Variants in PRKG1 observed in about 807,000 individuals in gnomAD.
PRKG1 encodes the protein protein kinase cGMP-dependent 1.
Under a neutral mutation model 88.1 loss-of-function variants are expected in PRKG1, and 35 were observed. The observed-to-expected ratio is 0.40, with a 90% confidence interval of 0.30 to 0.53. PRKG1 has a LOEUF of 0.53. Among genes scored for constraint, PRKG1 ranks in the 20% least tolerant of loss-of-function variants. The pLI, the probability that PRKG1 is intolerant of heterozygous loss-of-function variation, is 0.59. For missense variants in PRKG1, 540 were observed against 839.8 expected (o/e 0.64, Z 4.41); for synonymous variants, 303 against 292.5 (o/e 1.04, Z -0.37).
chr10:51,738,681 A>G (rs1837354710), intron 3 of PRKG1, among the ~76,000 whole-genome samples: 1 of 149,936 alleles, frequency 6.7e-6, no homozygotes, highest in Non-Finnish European at 1.5e-5. Context: ...GATCTTCACC[A>G]CAATCTGTGT....
At chr10:51,773,456 G>A (rs1226774322) in intron 3 of PRKG1, among the ~76,000 whole-genome samples, 2 of 152,010 alleles carry the variant, frequency 1.3e-5, no homozygotes, top group Non-Finnish European at 2.9e-5. Flanking sequence ...GAGGAAGTTT[G>A]TGACTGTAAT....
At position 51,411,460 on chromosome 10, in the gene PRKG1, C is replaced by T. The variant is rs150157936; in HGVS notation, c.479-56263C>T. On this transcript the variant is annotated intron_variant, in intron 2 of 17. Coordinates refer to ENST00000373980, the MANE Select transcript of PRKG1 (RefSeq NM_006258.4). ...ACATAATGTTAAATTCACGTTTCTA[C>T]CCACTGCTTTTGGTATGTGTCAATT... Among the ~76,000 whole-genome samples, 24 of 152,296 alleles carry T rather than the reference C, an allele frequency of 1.6e-4. No homozygotes were observed. The South Asian group carries it at 3.9e-3, about 25-fold the overall frequency.
At chr10:51,480,118 A>G (rs1840312590) in intron 3 of PRKG1, among the ~76,000 whole-genome samples, 1 of 152,174 alleles carries the variant, frequency 6.6e-6, no homozygotes, top group Non-Finnish European at 1.5e-5. Context: ...ATCTTAAGGC[A>G]TATAAATTCA....
At chr10:52,015,018 T>G (rs73341214) in intron 5 of PRKG1, among the ~76,000 whole-genome samples, 24,192 of 152,200 alleles carry the variant, frequency 0.16, 2,473 homozygotes, top group East Asian at 0.32. Context: ...AAGTGCATAG[T>G]GCAAGCTGTT....
chr10:51,233,689 G>A (rs564539844), intron 2 of PRKG1, among the ~76,000 whole-genome samples: 1 of 152,324 alleles, frequency 6.6e-6, no homozygotes, highest in South Asian at 2.1e-4. Context: ...ATAAATGCAT[G>A]TGAGAGAGAT....
intron 9 of PRKG1, among the ~76,000 whole-genome samples, chr10:52,208,309 TG>T (rs545450403): frequency 2.8e-3 from 425 of 152,350 alleles, no homozygotes; most frequent in African/African-American, 1.0e-2. Context: ...AATCTTCTGT[TG>T]GTAGCTTAAC....
chr10:51,425,573 G>A (rs1239964745), intron 2 of PRKG1, among the ~76,000 whole-genome samples: 3 of 152,200 alleles, frequency 2.0e-5, no homozygotes, highest in South Asian at 2.1e-4. Flanking sequence ...CACCCCTTTC[G>A]GAAGCCACAG....
intron 3 of PRKG1, among the ~76,000 whole-genome samples, chr10:51,593,138 A>G (rs1182642122): frequency 6.6e-6 from 1 of 152,198 alleles, no homozygotes; most frequent in East Asian, 1.9e-4. Flanking sequence ...CCATAGTTCC[A>G]TTTGGAGGTC....
chr10:51,348,600 A>G (rs550332365), intron 2 of PRKG1, among the ~76,000 whole-genome samples: 68 of 152,326 alleles, frequency 4.5e-4, no homozygotes, highest in Middle Eastern at 3.4e-3. Context: ...ACTATTTTTT[A>G]CCAGATTGTC....
chr10:51,504,915 A>G (rs1238703892), intron 3 of PRKG1, among the ~76,000 whole-genome samples: 1 of 152,180 alleles, frequency 6.6e-6, no homozygotes, highest in Non-Finnish European at 1.5e-5. Flanking sequence ...TGTCATCTGC[A>G]AACAGGGACA....
chr10:51,609,224 T>TA (rs1273786518), intron 3 of PRKG1, among the ~76,000 whole-genome samples: 1 of 152,042 alleles, frequency 6.6e-6, no homozygotes, highest in African/African-American at 2.4e-5. Flanking sequence ...GGACAGTGTT[T>TA]AAAAAATCTA....
intron 2 of PRKG1, among the ~76,000 whole-genome samples, chr10:51,285,625 C>T (rs911152585): frequency 6.6e-6 from 1 of 152,152 alleles, no homozygotes; most frequent in Non-Finnish European, 1.5e-5. Context: ...GACCAATAAG[C>T]TCTAGGAACT....
At chr10:51,149,831 T>C (rs1450048126) in intron 1 of PRKG1, among the ~76,000 whole-genome samples, 2 of 152,026 alleles carry the variant, frequency 1.3e-5, no homozygotes, top group Non-Finnish European at 2.9e-5. Flanking sequence ...ATTTACACCA[T>C]GGAAATTGGC....
chr10:51,434,302 C>T lies in PRKG1; in HGVS notation c.479-33421C>T, dbSNP rs977338607. On this transcript the variant is annotated intron_variant, in intron 2 of 17. Transcript: ENST00000373980. ...CCATCAGTTACTGTATCTGCCAGTT[C>T]ATCATGTTCACAGTAAAGCCAAAAG... Among the ~76,000 whole-genome samples the T allele has an allele frequency of 5.3e-5, 8 of 152,084 alleles. No homozygotes were observed. In the East Asian group the frequency reaches 1.2e-3, roughly 22 times the overall value.
intron 1 of PRKG1, among the ~76,000 whole-genome samples, chr10:51,136,451 T>C (rs1845687459): frequency 6.6e-6 from 1 of 151,986 alleles, no homozygotes; most frequent in Non-Finnish European, 1.5e-5. Flanking sequence ...GAGAATATGT[T>C]AAATGAAAAG....
chr10:51,221,605 A>C (rs1401214313), intron 2 of PRKG1, among the ~76,000 whole-genome samples: 2 of 149,986 alleles, frequency 1.3e-5, no homozygotes, highest in Non-Finnish European at 3.0e-5. Flanking sequence ...AGTCAATACA[A>C]TGTGTTCTAA....
chr10:51,582,351 T>C (rs1589104917), intron 3 of PRKG1, among the ~76,000 whole-genome samples: 1 of 152,158 alleles, frequency 6.6e-6, no homozygotes, highest in Admixed American at 6.6e-5. Context: ...CCAGGGCACA[T>C]GTGCAAGATG....
intron 3 of PRKG1, among the ~76,000 whole-genome samples, chr10:51,556,351 A>T (rs1837310368): frequency 6.6e-6 from 1 of 152,008 alleles, no homozygotes; most frequent in African/African-American, 2.4e-5. Context: ...TTGAAAAAAT[A>T]ATTTCCATAA....
chr10:51,381,851 C>G (rs1023817056), intron 2 of PRKG1, among the ~76,000 whole-genome samples: 1 of 152,128 alleles, frequency 6.6e-6, no homozygotes, highest in Non-Finnish European at 1.5e-5. Context: ...CATGGAAGTC[C>G]TATCATACAA....
Sources: gnomAD v4.1 joint callset for allele counts (sites outside exome capture counted in the v4.1 genomes callset) on GRCh38, gnomAD v4.1.1 for gene constraint, MANE v1.5 for transcripts, NCBI Gene and HGNC (gene_info 2026-07-23, HGNC 2026-07-21) for gene names.